The following IFT52 variants were observed in gnomAD, a reference collection of about 807,000 sequenced individuals.
IFT52 encodes the protein intraflagellar transport protein 52 homolog.
A neutral mutation model predicts 54.4 loss-of-function variants in IFT52; 44 were observed. That is an observed-to-expected ratio of 0.81 (90% CI 0.63 to 1.04). The LOEUF (loss-of-function observed/expected upper bound fraction) is 1.04. IFT52 is among the 50% of genes least tolerant of loss of function. The pLI, the probability that IFT52 is intolerant of heterozygous loss-of-function variation, is 0.00. For synonymous variants in IFT52, 181 were observed against 185.3 expected (o/e 0.98, Z 0.19); for missense variants, 452 against 523.6 (o/e 0.86, Z 1.33).
chr20:43,620,473 C>T (rs1188698914), intron 8 of IFT52, among the ~76,000 whole-genome samples: 2 of 152,124 alleles, frequency 1.3e-5, no homozygotes, highest in Non-Finnish European at 2.9e-5. Context: ...GCCTGACCAA[C>T]ATGGTGAAAC....
chr20:43,591,992 TG>T, intron 1 of IFT52, among the ~76,000 whole-genome samples: 1 of 152,190 alleles, frequency 6.6e-6, no homozygotes, highest in Middle Eastern at 3.4e-3. Context: ...ATAGGCGAGG[TG>T]GTACTGTATT....
rs142158820 is a variant in IFT52 at position 43,596,772 on chromosome 20, C to T, written c.207+250C>T. Among the ~76,000 whole-genome samples the T allele has an allele frequency of 5.4e-3, 730 of 134,314 alleles. 4 individuals are homozygous for T. Among genetic ancestry groups the T allele is most frequent in the Admixed American group, 7.8e-3 (96 of 12,292 alleles). 88.1% of individuals were successfully genotyped at this position (134,314 alleles called of 152,430 possible). ...TTTTTTTTTTTTTGAGACAGAGTCT[C>T]GCTCTGTCGCCGAGGCTGGAGTGCA... On this transcript the variant is annotated intron_variant, in intron 3 of 13. Transcript: ENST00000373030.
intron 6 of IFT52, among the ~76,000 whole-genome samples, chr20:43,611,562 C>A (rs1360358518): frequency 6.7e-6 from 1 of 148,478 alleles, no homozygotes; most frequent in Non-Finnish European, 1.5e-5. Context: ...TCCTGACTCC[C>A]GAGTAGCTGG....
At chr20:43,631,182 T>C (rs1985143809) in intron 10 of IFT52, among the ~76,000 whole-genome samples, 1 of 152,240 alleles carries the variant, frequency 6.6e-6, no homozygotes, top group Admixed American at 6.5e-5. Context: ...GGGAAGCTAC[T>C]GTTTATCATT....
chr20:43,624,866 G>T (rs1984602393), intron 10 of IFT52, among the ~76,000 whole-genome samples: 1 of 152,090 alleles, frequency 6.6e-6, no homozygotes, highest in African/African-American at 2.4e-5. Context: ...CGGAGAGCAA[G>T]AGCCATGTCT....
intron 8 of IFT52, 147 bp downstream of exon 8, chr20:43,619,173 G>C: frequency 1.6e-6 from 1 of 626,156 alleles, no homozygotes; most frequent in Non-Finnish European, 2.8e-6. Flanking sequence ...AGTCGAGTCA[G>C]GCATAGTCCC....
intron 12 of IFT52, among the ~76,000 whole-genome samples, chr20:43,639,498 C>T (rs1224833888): frequency 3.3e-5 from 5 of 152,138 alleles, no homozygotes; most frequent in Non-Finnish European, 7.4e-5. Context: ...TGGAGAAACC[C>T]CTTCTCTACT....
At chr20:43,640,882 TCAGC>T (rs973797176) in intron 12 of IFT52, among the ~76,000 whole-genome samples, 2 of 151,832 alleles carry the variant, frequency 1.3e-5, no homozygotes. Flanking sequence ...ATACAAAAAA[TCAGC>T]CAGGCGTGGT....
At chr20:43,629,373 C>T (rs1172932715) in intron 10 of IFT52, among the ~76,000 whole-genome samples, 2 of 151,172 alleles carry the variant, frequency 1.3e-5, no homozygotes, top group South Asian at 2.1e-4. Flanking sequence ...CCCGGGTTCA[C>T]GCCATTCGTC....
intron 10 of IFT52, among the ~76,000 whole-genome samples, chr20:43,627,904 T>TAG (rs34658714): frequency 1.3e-5 from 1 of 74,974 alleles, no homozygotes; most frequent in African/African-American, 5.0e-5. Flanking sequence ...CATATATATA[T>TAG]AGAGAGAGAG....
intron 3 of IFT52, among the ~76,000 whole-genome samples, chr20:43,600,495 G>A (rs950745783): frequency 4.0e-5 from 6 of 151,800 alleles, no homozygotes; most frequent in South Asian, 2.1e-4. Context: ...TAGTAGAGAT[G>A]GGGTTTCACC....
chr20:43,638,599 T>C (rs1452215625), intron 12 of IFT52, among the ~76,000 whole-genome samples: 3 of 152,152 alleles, frequency 2.0e-5, no homozygotes, highest in Non-Finnish European at 4.4e-5. Flanking sequence ...AGCAAGACCC[T>C]GTCTCTAAAA....
At chr20:43,597,880 G>A (rs1189550569) in intron 3 of IFT52, among the ~76,000 whole-genome samples, 1 of 112,544 alleles carries the variant, frequency 8.9e-6, no homozygotes, top group Non-Finnish European at 1.7e-5. Flanking sequence ...GCAACAGAGT[G>A]AGACTCTTTC....
chr20:43,599,842 G>C (rs1438337795), intron 3 of IFT52, among the ~76,000 whole-genome samples: 1 of 152,108 alleles, frequency 6.6e-6, no homozygotes, highest in Non-Finnish European at 1.5e-5. Context: ...GTTACGACCA[G>C]GTAACCACGT....
intron 2 of IFT52, among the ~76,000 whole-genome samples, chr20:43,595,335 A>G (rs576749898): frequency 3.8e-4 from 57 of 149,784 alleles, no homozygotes; most frequent in South Asian, 1.5e-3. Context: ...AAAAAAAAAA[A>G]AAAGAAAGAT....
At chr20:43,600,965 C>CA (rs992741458) in intron 3 of IFT52, among the ~76,000 whole-genome samples, 4 of 151,546 alleles carry the variant, frequency 2.6e-5, no homozygotes, top group East Asian at 1.9e-4. Context: ...GACTTCATCT[C>CA]AAAAAAAATA....
chr20:43,616,974 C>G (rs1226715407), intron 7 of IFT52, among the ~76,000 whole-genome samples: 1 of 152,120 alleles, frequency 6.6e-6, no homozygotes, highest in Non-Finnish European at 1.5e-5. Flanking sequence ...GATTGTGCCA[C>G]TGCACTCCAG....
chr20:43,599,188 A>G (rs1020217172), intron 3 of IFT52, among the ~76,000 whole-genome samples: 1 of 151,860 alleles, frequency 6.6e-6, no homozygotes, highest in African/African-American at 2.4e-5. Flanking sequence ...GCAGAGCAAC[A>G]CTCTATTGCT....
intron 10 of IFT52, among the ~76,000 whole-genome samples, chr20:43,629,432 C>T (rs1397769822): frequency 6.6e-6 from 1 of 152,130 alleles, no homozygotes; most frequent in Non-Finnish European, 1.5e-5. Context: ...GCCACCACAT[C>T]CAGCTAATGT....
Sources: allele counts gnomAD v4.1 joint callset (sites outside exome capture counted in the v4.1 genomes callset), GRCh38; gene constraint gnomAD v4.1.1; transcripts MANE v1.5; gene names NCBI Gene and HGNC (gene_info 2026-07-23, HGNC 2026-07-21).